The following SLC36A1 variants were observed in gnomAD, a reference collection of about 807,000 sequenced individuals.
The protein encoded by SLC36A1 is solute carrier family 36 member 1, also known as proton-coupled amino acid transporter 1.
In SLC36A1, 30 loss-of-function variants were observed where a neutral mutation model predicts 47.5. The observed-to-expected ratio is 0.63, with a 90% CI of 0.47 to 0.86. SLC36A1 has a LOEUF of 0.86. SLC36A1 is among the 40% of genes least tolerant of loss of function. The pLI, the probability that SLC36A1 is intolerant of heterozygous loss-of-function variation, is 0.00. For synonymous variants in SLC36A1, 255 were observed against 249.7 expected, an observed-to-expected ratio of 1.02 and a Z score of -0.20; for missense variants, 517 against 606.0, an observed-to-expected ratio of 0.85 and a Z score of 1.54.
chr5:151,358,980 C>CAA, the SLC36A1 span, among the ~76,000 whole-genome samples: 382 of 46,196 alleles, frequency 8.3e-3, 29 homozygotes, highest in African/African-American at 0.018. Flanking sequence ...GACTCCGTCT[C>CAA]AAAAAAAAAA....
chr5:151,467,047 A>T (rs754311247), intron 5 of SLC36A1, 152 bp from the exon 6 acceptor site: 1 of 600,710 alleles, frequency 1.7e-6, no homozygotes, highest in Non-Finnish European at 2.9e-6. Flanking sequence ...CTAAACGCCC[A>T]GGCACTACCA....
intron 1 of SLC36A1, among the ~76,000 whole-genome samples, chr5:151,454,237 C>G (rs1204547210): frequency 6.6e-6 from 1 of 152,042 alleles, no homozygotes; most frequent in African/African-American, 2.4e-5. Context: ...GCCTTCAACT[C>G]TCACATAGTA....
At chr5:151,406,486 G>C in the SLC36A1 span, 1 of 152,234 alleles carries the variant, frequency 6.6e-6, no homozygotes, top group Non-Finnish European at 1.5e-5. Flanking sequence ...CAAAGGCAAA[G>C]ACAGTTGTCC....
chr5:151,554,645 G>A, the SLC36A1 span: 1 of 1,613,780 alleles, frequency 6.2e-7, no homozygotes, highest in African/African-American at 1.3e-5. Flanking sequence ...GGACTTCAGT[G>A]AGGGTTCCCC....
At chr5:151,458,075 G>A (rs1754854283) in intron 1 of SLC36A1, among the ~76,000 whole-genome samples, 1 of 151,472 alleles carries the variant, frequency 6.6e-6, no homozygotes, top group Admixed American at 6.6e-5. Context: ...CTTGAACTCC[G>A]GACCTCAGGT....
intron 10 of SLC36A1, among the ~76,000 whole-genome samples, chr5:151,486,849 G>A (rs1759634427): frequency 6.6e-6 from 1 of 152,232 alleles, no homozygotes. Flanking sequence ...GTCATGCACT[G>A]TAGCAGGATG....
At chr5:151,548,534 G>A in the SLC36A1 span, among the ~76,000 whole-genome samples, 2 of 152,238 alleles carry the variant, frequency 1.3e-5, no homozygotes, top group South Asian at 4.2e-4. Context: ...AGGCTGGAGT[G>A]CAATGGTGCA....
chr5:151,404,797 C>T, the SLC36A1 span, among the ~76,000 whole-genome samples: 3 of 152,092 alleles, frequency 2.0e-5, no homozygotes, highest in African/African-American at 7.2e-5. Flanking sequence ...ATGGGGTTTC[C>T]CCTTTGTAAG....
chr5:151,457,759 G>C (rs1268207493), intron 1 of SLC36A1, among the ~76,000 whole-genome samples: 1 of 152,144 alleles, frequency 6.6e-6, no homozygotes. Flanking sequence ...GAGAGAAAGA[G>C]AACGGCATGT....
At chr5:151,347,193 T>C in the SLC36A1 span, 1 of 1,422,298 alleles carries the variant, frequency 7.0e-7, no homozygotes, top group Non-Finnish European at 9.9e-7. Flanking sequence ...TGGTTTCTCA[T>C]CTGCACAGTG....
the SLC36A1 span, among the ~76,000 whole-genome samples, chr5:151,345,517 C>T: frequency 6.6e-6 from 1 of 152,132 alleles, no homozygotes; most frequent in African/African-American, 2.4e-5. Context: ...AGTCTCTGTA[C>T]ATAGATTCAT....
the SLC36A1 span, among the ~76,000 whole-genome samples, chr5:151,522,917 G>A: frequency 6.6e-5 from 10 of 152,308 alleles, no homozygotes; most frequent in Non-Finnish European, 1.0e-4. Context: ...CCGTGAGGGT[G>A]ACAGGACCTC....
At chr5:151,386,906 A>G in the SLC36A1 span, among the ~76,000 whole-genome samples, 75,343 of 151,984 alleles carry the variant, frequency 0.5, 20,698 homozygotes, top group African/African-American at 0.75. Context: ...GAACCTAACC[A>G]ATGTGCTTCT....
the SLC36A1 span, among the ~76,000 whole-genome samples, chr5:151,422,953 C>G: frequency 6.6e-6 from 1 of 152,052 alleles, no homozygotes; most frequent in African/African-American, 2.4e-5. Context: ...CACTCCACTC[C>G]CCACACACAA....
chr5:151,487,863 A>G (rs530740478), intron 10 of SLC36A1, 120 bp from the exon 11 acceptor site: 20 of 1,213,686 alleles, frequency 1.6e-5, no homozygotes, highest in Non-Finnish European at 2.1e-5. Flanking sequence ...GACAATGTCT[A>G]AGTTTTCTTA....
the SLC36A1 span, among the ~76,000 whole-genome samples, chr5:151,520,460 G>C: frequency 6.6e-6 from 1 of 152,164 alleles, no homozygotes; most frequent in Non-Finnish European, 1.5e-5. Flanking sequence ...ACCCTGCTTG[G>C]TAGGGCTGTG....
the SLC36A1 span, chr5:151,414,799 G>C: frequency 6.6e-6 from 1 of 152,204 alleles, no homozygotes; most frequent in Non-Finnish European, 1.5e-5. Context: ...GTTTTAAAAA[G>C]ACGGAAGGGA....
chr5:151,546,122 T>C, the SLC36A1 span: 3 of 1,614,006 alleles, frequency 1.9e-6, no homozygotes, highest in South Asian at 1.1e-5. Flanking sequence ...GATTCAGGGA[T>C]CTCTACAAAG....
intron 7 of SLC36A1, among the ~76,000 whole-genome samples, chr5:151,470,457 A>T (rs961199382): frequency 6.6e-6 from 1 of 152,230 alleles, no homozygotes; most frequent in Admixed American, 6.5e-5. Flanking sequence ...CAATGTCTGC[A>T]TAAGGGCAGC....
Sources: gnomAD v4.1 joint callset for allele counts (sites outside exome capture counted in the v4.1 genomes callset) on GRCh38, gnomAD v4.1.1 for gene constraint, MANE v1.5 for transcripts, NCBI Gene and HGNC (gene_info 2026-07-23, HGNC 2026-07-21) for gene names.